Variants in EPHB1 observed in about 807,000 individuals in gnomAD.
EPHB1 encodes EPH receptor B1.
A neutral mutation model predicts 94.4 loss-of-function variants in EPHB1; 30 were observed. The ratio of observed to expected loss-of-function variants is 0.32; its 90% CI spans 0.24 to 0.43. The LOEUF (loss-of-function observed/expected upper bound fraction) is 0.43. EPHB1 is among the 20% of genes least tolerant of loss of function. The probability of loss-of-function intolerance (pLI) is 1.00; values close to 1 mark genes in which losing one functional copy is unlikely to be tolerated. For missense variants in EPHB1, 1,055 were observed against 1,308.3 expected, an observed-to-expected ratio of 0.81 and a Z score of 2.99; for synonymous variants, 522 against 489.1, an observed-to-expected ratio of 1.07 and a Z score of -0.89.
intron 3 of EPHB1, among the ~76,000 whole-genome samples, chr3:135,005,394 G>T: frequency 1.3e-5 from 2 of 152,248 alleles, no homozygotes. Context: ...GTCTGCAGAG[G>T]AGACTGCTGT....
At position 134,959,966 on chromosome 3, in the gene EPHB1, C is replaced by CTTTTTTT. The variant is rs61369813; in HGVS notation, c.805+7950_805+7956dup. On this transcript the variant is annotated intron_variant, in intron 3 of 15. Coordinates refer to ENST00000398015, the MANE Select transcript of EPHB1 (RefSeq NM_004441.5). Reference sequence around the variant, plus strand: ...AGAATTTGAGCACAAACATCTGCACCTTTTTTTTTTTTTTTTTTTTTTTTT... The same window carrying CTTTTTTT: ...AGAATTTGAGCACAAACATCTGCACCTTTTTTTTTTTTTTTTTTTTTTTTTTTTTTTT... 8.7e-4 allele frequency among the ~76,000 whole-genome samples: 93 copies of CTTTTTTT among 107,406 alleles called. 5 individuals carry two copies. The highest frequency in any genetic ancestry group is 1.4e-3 in the Non-Finnish European group (73 of 52,112). 70.5% of individuals were successfully genotyped at this position (107,406 alleles called of 152,430 possible). A position where few individuals can be genotyped will look rare whatever the true frequency, so the allele number is the denominator to read the frequency against.
At chr3:135,208,118 C>T (rs1444709962) in intron 12 of EPHB1, among the ~76,000 whole-genome samples, 2 of 152,122 alleles carry the variant, frequency 1.3e-5, no homozygotes, top group Admixed American at 1.3e-4. Context: ...TATACAAAGG[C>T]CCTGTGGCAA....
chr3:134,846,637 C>T (rs915273848), intron 1 of EPHB1, among the ~76,000 whole-genome samples: 3 of 152,070 alleles, frequency 2.0e-5, no homozygotes, highest in Admixed American at 6.6e-5. Context: ...GGGGAATGGT[C>T]CTCTTCACGA....
intron 3 of EPHB1, among the ~76,000 whole-genome samples, chr3:135,073,131 AT>A (rs1030250279): frequency 2.5e-4 from 38 of 150,750 alleles, no homozygotes; most frequent in Middle Eastern, 3.4e-3. Context: ...TCATTGTATG[AT>A]TTTTTTCTAG....
At chr3:134,999,214 A>G (rs981663678) in intron 3 of EPHB1, among the ~76,000 whole-genome samples, 4 of 152,182 alleles carry the variant, frequency 2.6e-5, no homozygotes, top group Non-Finnish European at 5.9e-5. Flanking sequence ...TAAAAACAAA[A>G]GGGAAAGAAA....
chr3:135,210,928 T>A (rs1027819498), intron 12 of EPHB1, among the ~76,000 whole-genome samples: 5 of 152,216 alleles, frequency 3.3e-5, no homozygotes, highest in Admixed American at 1.3e-4. Context: ...TGCCACTGGC[T>A]CTACTGGCCC....
chr3:135,073,405 C>T (rs1937793232), intron 3 of EPHB1, among the ~76,000 whole-genome samples: 1 of 152,182 alleles, frequency 6.6e-6, no homozygotes, highest in Admixed American at 6.5e-5. Context: ...GTATAGCAAA[C>T]TCACTTTTAC....
At chr3:135,077,279 G>C (rs1937968401) in intron 3 of EPHB1, among the ~76,000 whole-genome samples, 1 of 152,214 alleles carries the variant, frequency 6.6e-6, no homozygotes, top group South Asian at 2.1e-4. Flanking sequence ...CCTTCTGCAG[G>C]AGTGGCAGTC....
At chr3:135,195,796 C>T (rs1289952724) in intron 11 of EPHB1, among the ~76,000 whole-genome samples, 27 of 121,622 alleles carry the variant, frequency 2.2e-4, no homozygotes, top group Non-Finnish European at 3.7e-4. Flanking sequence ...AATAAACATA[C>T]GTGTGCGTGT....
chr3:134,940,973 C>T (rs1181378356), intron 2 of EPHB1, among the ~76,000 whole-genome samples: 1 of 152,160 alleles, frequency 6.6e-6, no homozygotes, highest in African/African-American at 2.4e-5. Flanking sequence ...ATTAGGTCAA[C>T]AGAGGCCAAA....
At chr3:135,251,155 A>G (rs1933070432) in intron 15 of EPHB1, among the ~76,000 whole-genome samples, 1 of 152,114 alleles carries the variant, frequency 6.6e-6, no homozygotes, top group African/African-American at 2.4e-5. Context: ...ACATTTCTTA[A>G]AAACTAGATT....
chr3:135,084,001 T>C (rs1938253823), intron 3 of EPHB1, among the ~76,000 whole-genome samples: 1 of 152,096 alleles, frequency 6.6e-6, no homozygotes, highest in Non-Finnish European at 1.5e-5. Flanking sequence ...ACTGAGGCAG[T>C]GGGTAGAATC....
intron 3 of EPHB1, among the ~76,000 whole-genome samples, chr3:135,088,912 C>T (rs553922638): frequency 6.6e-6 from 1 of 152,182 alleles, no homozygotes; most frequent in Non-Finnish European, 1.5e-5. Context: ...TTTAATTGAG[C>T]AGTTATTTCA....
At chr3:134,928,936 C>A (rs537162058) in intron 2 of EPHB1, among the ~76,000 whole-genome samples, 3 of 151,766 alleles carry the variant, frequency 2.0e-5, no homozygotes, top group Non-Finnish European at 4.4e-5. Flanking sequence ...AATGCTTCTG[C>A]GTGTTAAACA....
intron 1 of EPHB1, among the ~76,000 whole-genome samples, chr3:134,800,918 A>G (rs2035922922): frequency 6.6e-6 from 1 of 152,234 alleles, no homozygotes; most frequent in Admixed American, 6.5e-5. Context: ...TCACACAGCT[A>G]GTAAGTGGCC....
chr3:134,866,416 A>G (rs1246048314), intron 1 of EPHB1, among the ~76,000 whole-genome samples: 1 of 152,192 alleles, frequency 6.6e-6, no homozygotes, highest in Non-Finnish European at 1.5e-5. Context: ...GACTCCAGAA[A>G]GCTGCCCAAA....
chr3:134,962,405 G>C (rs947721158), intron 3 of EPHB1, among the ~76,000 whole-genome samples: 9 of 152,118 alleles, frequency 5.9e-5, no homozygotes, highest in African/African-American at 2.2e-4. Context: ...CCCATCTCTA[G>C]TATCAGGACA....
At chr3:134,997,055 G>A (rs1243025117) in intron 3 of EPHB1, among the ~76,000 whole-genome samples, 1 of 151,958 alleles carries the variant, frequency 6.6e-6, no homozygotes, top group Non-Finnish European at 1.5e-5. Context: ...TACTTTTATG[G>A]CACAATTTTT....
intron 1 of EPHB1, among the ~76,000 whole-genome samples, chr3:134,824,111 A>G (rs1036828160): frequency 1.3e-5 from 2 of 151,482 alleles, no homozygotes; most frequent in African/African-American, 2.4e-5. Context: ...AATGTTTACA[A>G]AAAGGATAAT....
Sources: gnomAD v4.1 joint callset for allele counts (sites outside exome capture counted in the v4.1 genomes callset) on GRCh38, gnomAD v4.1.1 for gene constraint, MANE v1.5 for transcripts, NCBI Gene and HGNC (gene_info 2026-07-23, HGNC 2026-07-21) for gene names.